CDC20B: variants seen among roughly 807,000 people sequenced by gnomAD.
CDC20B encodes cell division cycle 20B.
In CDC20B, 58 loss-of-function variants were observed where a neutral mutation model predicts 64.1. The ratio of observed to expected loss-of-function variants is 0.90; its 90% CI spans 0.73 to 1.13. The LOEUF (loss-of-function observed/expected upper bound fraction) is 1.13, where lower values mean the gene tolerates loss of function less well. Ranked by LOEUF, CDC20B falls within the 50% of genes most tolerant of loss-of-function variation. The pLI is 0.00. For synonymous variants in CDC20B, 243 were observed against 230.6 expected (o/e 1.05, Z -0.49); for missense variants, 597 against 633.0 (o/e 0.94, Z 0.61).
At chr5:55,154,089 A>G (rs934476381) in intron 2 of CDC20B, among the ~76,000 whole-genome samples, 14 of 152,216 alleles carry the variant, frequency 9.2e-5, no homozygotes, top group Non-Finnish European at 8.8e-5. Flanking sequence ...GGAGATGGAC[A>G]AGTCAGGATT....
Position 55,146,718 on chromosome 5 carries a change from A to G in CDC20B, c.265T>C (p.Ser89Pro). 6.2e-7 allele frequency: 1 copy of G among 1,614,184 alleles called. No individual in the cohort carries two copies. The highest frequency in any genetic ancestry group is 8.5e-7 in the Non-Finnish European group (1 of 1,180,042). The change falls in exon 3 of 12, where the codon TCC (serine) becomes CCC (proline). Residue 89 changes from serine (S) to proline (P), a missense_variant. Ser to Pro is a moderately conservative substitution (Grantham distance 74). This residue lies in a region of CDC20B where 241 missense variants were observed against 219.2 expected (regional missense o/e 1.10). Coordinates refer to ENST00000381375, the MANE Select transcript of CDC20B (RefSeq NM_001170402.1). ...GTGGTTGACTGCTCTTCCCCAAAGG[A>G]ATCAGAGGACAGAGCCCTAGTTTGA... ...QSQTRALSSD[S>P]FGEEQSTTYL...
At chr5:55,149,297 G>A (rs889959837) in intron 2 of CDC20B, among the ~76,000 whole-genome samples, 3 of 152,158 alleles carry the variant, frequency 2.0e-5, no homozygotes, top group African/African-American at 7.2e-5. Context: ...CAGTCATTGT[G>A]GAAGATTAGT....
chr5:55,113,727 T>C lies in CDC20B; in HGVS notation c.*491A>G. 6.5e-6 allele frequency: 1 copy of C among 154,086 alleles called. No homozygotes were observed. The highest frequency in any genetic ancestry group is 2.4e-5 in the African/African-American group (1 of 41,578). The allele number at this position is 154,086 out of a possible 1,614,324, so 9.5% of individuals were successfully genotyped here. On this transcript the variant is annotated 3_prime_UTR_variant, in exon 12 of 12. Transcript: ENST00000381375. Reference sequence around the variant, plus strand: ...TTTTAGAGAGAGCAATATGCATGCTTAACATACTGCCTAGCATATAGTGAG... The same window carrying C: ...TTTTAGAGAGAGCAATATGCATGCTCAACATACTGCCTAGCATATAGTGAG...
intron 11 of CDC20B, among the ~76,000 whole-genome samples, chr5:55,118,344 A>G (rs1742671836): frequency 6.6e-6 from 1 of 152,202 alleles, no homozygotes; most frequent in African/African-American, 2.4e-5. Context: ...CTCATCTCCA[A>G]CTATAAGCAT....
intron 2 of CDC20B, chr5:55,164,450 G>T (rs1356479494): frequency 1.4e-5 from 4 of 290,646 alleles, no homozygotes; most frequent in African/African-American, 8.7e-5. Context: ...ATGTTCCCAG[G>T]ATGAGGATGT....
chr5:55,139,681 T>C (rs921003981), intron 5 of CDC20B, among the ~76,000 whole-genome samples: 9 of 152,216 alleles, frequency 5.9e-5, no homozygotes, highest in Non-Finnish European at 1.2e-4. Context: ...CTAATTTTAC[T>C]TTTTTAAAGT....
At position 55,114,257 on chromosome 5, in the gene CDC20B, A is replaced by C; in HGVS notation, c.1521T>G (p.Ala507=). ...LSPDQTRVFS[A]AADGTASVWN... ...ATACAGAGGCCGTCCCATCAGCTGC[A>C]GCAGAAAACACCCGGGTCTGGTCTG... is the stretch of plus-strand genomic sequence containing the variant. Residue 507 remains alanine, a synonymous_variant, in exon 12 of 12, where the codon GCT becomes GCG. Coordinates refer to ENST00000381375, the MANE Select transcript of CDC20B (RefSeq NM_001170402.1). This position sits in a 1 kb window ranked among gnomAD's most constrained non-coding sequence, Gnocchi z 4.1. 6.2e-7 allele frequency: 1 copy of C among 1,613,964 alleles called. No individual in the cohort carries two copies. The highest frequency in any genetic ancestry group is 1.1e-5 in the South Asian group (1 of 91,082).
At chr5:55,123,836 A>G (rs936463661) in intron 9 of CDC20B, among the ~76,000 whole-genome samples, 2 of 152,214 alleles carry the variant, frequency 1.3e-5, no homozygotes, top group Admixed American at 1.3e-4. Flanking sequence ...ACCGATCATC[A>G]TTCTCAATAT....
intron 2 of CDC20B, among the ~76,000 whole-genome samples, chr5:55,163,384 G>A (rs1323325967): frequency 6.6e-6 from 1 of 151,920 alleles, no homozygotes; most frequent in Admixed American, 6.6e-5. Flanking sequence ...TCAAAATAAG[G>A]TGATTATTCA....
chr5:55,117,886 G>A (rs1463620037), intron 11 of CDC20B, among the ~76,000 whole-genome samples: 11 of 152,094 alleles, frequency 7.2e-5, no homozygotes, highest in African/African-American at 2.7e-4. Flanking sequence ...AGGCCGAGGT[G>A]GGTGGATCAC....
Position 55,114,302 on chromosome 5 carries a change from C to G in CDC20B, c.1476G>C (p.Val492=), listed in dbSNP as rs371195518. ...SGGFFGHRGR[V]LHLSLSPDQT... is the part of the protein sequence containing the mutation. ...GGTCTGGACTCAAAGACAGGTGCAG[C>G]ACTCTGCCCCTGTGGCCTGGGGGAA... The change falls in exon 12 of 12, where the codon GTG becomes GTC. Residue 492 remains valine (V), a synonymous_variant. Transcript: ENST00000381375. The surrounding 1 kb of genome is among the most constrained non-coding windows in gnomAD (Gnocchi z 4.1). 3.7e-6 allele frequency: 6 copies of G among 1,613,790 alleles called. No homozygotes were observed. Among genetic ancestry groups the G allele is most frequent in the Non-Finnish European group, 5.1e-6 (6 of 1,179,794 alleles).
At chr5:55,155,107 A>G (rs1743773136) in intron 2 of CDC20B, among the ~76,000 whole-genome samples, 2 of 152,222 alleles carry the variant, frequency 1.3e-5, no homozygotes, top group African/African-American at 4.8e-5. Flanking sequence ...AAAGTAAGAC[A>G]AAGAAGGGAA....
chr5:55,133,424 G>T lies in CDC20B; in HGVS notation c.685C>A (p.Arg229=). The T allele has an allele frequency of 6.5e-7, 1 of 1,529,378 alleles. No homozygotes were observed. The allele number at this position is 1,529,378 out of a possible 1,614,324, so 94.7% of individuals were successfully genotyped here. ...AATGATAACTTACAGTAGTCATTTC[G>T]AAGACCAGTAATATGAATCTTCACC... ...PEVKIHITGL[R]NDYYLNILDW... Residue 229 remains arginine (R), a synonymous_variant, in exon 6 of 12, where the codon CGA becomes AGA. Transcript: ENST00000381375.
intron 7 of CDC20B, 45 bp downstream of exon 7, chr5:55,128,376 T>C: frequency 1.4e-6 from 2 of 1,456,542 alleles, no homozygotes; most frequent in Non-Finnish European, 1.9e-6. Context: ...TATAGTGTAA[T>C]AATACACAGA....
In CDC20B at chr5:55,119,917, A is replaced by C; in HGVS notation, c.1343T>G (p.Ile448Ser). The C allele has an allele frequency of 6.3e-7, 1 of 1,587,794 alleles. No homozygotes were observed. The highest frequency in any genetic ancestry group is 1.1e-5 in the South Asian group (1 of 90,378). ...SIQTPSTNSQ[I>S]CSLIWLPKTK... ...CTTAGGTAGCCAGATTAAGGAACAAATCTGTAATAATGATCAAAAATAGAG... is the reference window on the plus strand; with the variant it reads ...CTTAGGTAGCCAGATTAAGGAACAACTCTGTAATAATGATCAAAAATAGAG... Residue 448 changes from isoleucine (I) to serine (S), a missense_variant and splice_region_variant, in exon 11 of 12, where the codon ATT (isoleucine) becomes AGT (serine). By Grantham distance (142) the Ile-to-Ser change is moderately radical (BLOSUM62 -2). This residue lies in a region of CDC20B where 353 missense variants were observed against 397.0 expected (regional missense o/e 0.89). Transcript: ENST00000381375.
intron 2 of CDC20B, among the ~76,000 whole-genome samples, chr5:55,171,778 G>GT (rs936001434): frequency 4.6e-5 from 7 of 152,072 alleles, no homozygotes; most frequent in South Asian, 2.1e-4. Context: ...AATTTTTGCA[G>GT]TTTTTTTATA....
intron 2 of CDC20B, among the ~76,000 whole-genome samples, chr5:55,153,592 T>G (rs1580359568): frequency 7.7e-6 from 1 of 130,052 alleles, no homozygotes; most frequent in African/African-American, 2.9e-5. Flanking sequence ...CACGTTAGCC[T>G]GAATAAATCC....
chr5:55,166,706 T>C (rs1323939122), intron 2 of CDC20B: 9 of 152,244 alleles, frequency 5.9e-5, no homozygotes, highest in African/African-American at 1.4e-4. Context: ...TGCTACAGGA[T>C]GCCTGGGCTA....
rs1047689 is a variant in CDC20B, at chr5:55,164,231, G to A, written c.126+8357C>T. On this transcript the variant is annotated intron_variant, in intron 2 of 11. Coordinates refer to ENST00000381375, the MANE Select transcript of CDC20B (RefSeq NM_001170402.1). The stretch of plus-strand genomic sequence containing the variant: ...AGAGGATCTATGAGAATGCCATTGC[G>A]TTTCTAATAGAACAGAGAAATGTCT... 84 of 1,507,492 alleles carry A rather than the reference G, an allele frequency of 5.6e-5. 1 individual carries two copies. The highest frequency in any genetic ancestry group is 5.3e-4 in the Middle Eastern group (3 of 5,646). The allele number at this position is 1,507,492 out of a possible 1,614,324, so 93.4% of individuals were successfully genotyped here. A position where few individuals can be genotyped will look rare whatever the true frequency, so the allele number is the denominator to read the frequency against.
Sources: allele counts gnomAD v4.1 joint callset (sites outside exome capture counted in the v4.1 genomes callset), GRCh38; gene constraint gnomAD v4.1.1; regional missense constraint gnomAD v4.1.1; non-coding constraint Gnocchi (gnomAD v3.1); transcripts MANE v1.5; gene names NCBI Gene and HGNC (gene_info 2026-07-23, HGNC 2026-07-21).